GRM4: variants seen among roughly 807,000 people sequenced by gnomAD.
GRM4 encodes glutamate metabotropic receptor 4.
GRM4 carries 28 observed loss-of-function variants against 81.7 expected under a neutral mutation model. The ratio of observed to expected loss-of-function variants is 0.34; its 90% CI spans 0.25 to 0.47. GRM4 has a LOEUF of 0.47. GRM4 is among the 20% of genes least tolerant of loss of function. The probability of loss-of-function intolerance (pLI) is 1.00; values close to 1 mark genes in which losing one functional copy is unlikely to be tolerated. For missense variants in GRM4, 948 were observed against 1,290.0 expected, an observed-to-expected ratio of 0.73 and a Z score of 4.06; for synonymous variants, 488 against 528.8, an observed-to-expected ratio of 0.92 and a Z score of 1.06.
Position 34,114,291 on chromosome 6 carries a change from C to G in GRM4, c.519+18687G>C, listed in dbSNP as rs542916337. 2.0e-5 allele frequency among the ~76,000 whole-genome samples: 3 copies of G among 152,284 alleles called. No homozygotes were observed. The East Asian group carries it at 5.8e-4, about 29-fold the overall frequency. Reference sequence around the variant, plus strand: ...GGCTCACTCTGCTGCATTCTCAGCCCAACCCAACATCTGCTACTAAAAGAT... The same window carrying G: ...GGCTCACTCTGCTGCATTCTCAGCCGAACCCAACATCTGCTACTAAAAGAT... On this transcript the variant is annotated intron_variant, in intron 2 of 10. Coordinates refer to ENST00000538487, the MANE Select transcript of GRM4 (RefSeq NM_000841.4). The surrounding 1 kb of genome is among the most constrained non-coding windows in gnomAD (Gnocchi z 4.3).
At chr6:34,084,942 A>G (rs1767808637) in intron 3 of GRM4, among the ~76,000 whole-genome samples, 1 of 151,572 alleles carries the variant, frequency 6.6e-6, no homozygotes, top group South Asian at 2.1e-4. Context: ...CCCTTTTTTT[A>G]CTTATTCAGG....
chr6:34,020,309 T>C lies in GRM4; in HGVS notation c.*2512A>G, dbSNP rs1763824584. 1 of 152,028 alleles carries C rather than the reference T, an allele frequency of 6.6e-6. No individual in the cohort carries two copies. The highest frequency in any genetic ancestry group is 1.5e-5 in the Non-Finnish European group (1 of 68,098). 9.4% of individuals were successfully genotyped at this position (152,028 alleles called of 1,614,324 possible). ...GGTGATTCTCCTGTTAGAACCTAGA[T>C]GGGGGCCCCACAGATGTAGGGGGAC... On this transcript the variant is annotated 3_prime_UTR_variant, in exon 11 of 11. Coordinates refer to ENST00000538487, the MANE Select transcript of GRM4 (RefSeq NM_000841.4).
At position 34,137,712 on chromosome 6, in the gene GRM4, C is replaced by A. The variant is rs1770516368; in HGVS notation, c.-363-3853G>T. 2.0e-5 allele frequency among the ~76,000 whole-genome samples: 3 copies of A among 151,210 alleles called. No homozygotes were observed. In the South Asian group the frequency reaches 6.3e-4, roughly 32 times the overall value. On this transcript the variant is annotated intron_variant, in intron 1 of 10. Transcript: ENST00000538487. ...GATCCTCCTACCTCAGCCTCCTGAA[C>A]AGCTGGGACTACAGGAATGCGCCAT...
At chr6:34,155,023 G>T in intron 1 of GRM4, 1 of 1,368,920 alleles carries the variant, frequency 7.3e-7, no homozygotes, top group Non-Finnish European at 9.8e-7. Context: ...ACAGTGCTGG[G>T]CACCTCCCCG....
At position 34,036,532 on chromosome 6, in the gene GRM4, C is replaced by T. The variant is rs145463048; in HGVS notation, c.1578G>A (p.Pro526=). ...CCTTCACTGTCTTCTTCCGCTCACC[C>T]GGTTGGCAGGGCAGGCTGCAGATGG... ...PRSICSLPCQ[P]GERKKTVKGM... is the part of the protein sequence containing the mutation. Residue 526 remains proline (P), a synonymous_variant, in exon 9 of 11, where the codon CCG becomes CCA. Coordinates refer to ENST00000538487, the MANE Select transcript of GRM4 (RefSeq NM_000841.4). This position sits in a 1 kb window ranked among gnomAD's most constrained non-coding sequence, Gnocchi z 9.0. 186 of 1,607,338 alleles carry T rather than the reference C, an allele frequency of 1.2e-4. No individual in the cohort carries two copies. Among genetic ancestry groups the T allele is most frequent in the Non-Finnish European group, 1.4e-4 (170 of 1,176,962 alleles).
chr6:34,051,034 G>A (rs1215815666), intron 6 of GRM4, among the ~76,000 whole-genome samples: 1 of 152,218 alleles, frequency 6.6e-6, no homozygotes, highest in African/African-American at 2.4e-5. Context: ...GCACATAAAG[G>A]GTGCTTCCAA....
intron 6 of GRM4, among the ~76,000 whole-genome samples, chr6:34,044,505 TACAC>T (rs145283448): frequency 0.015 from 1,546 of 101,264 alleles, 29 homozygotes; most frequent in Non-Finnish European, 0.023. Flanking sequence ...CATACACACA[TACAC>T]ACACAGACAT....
Position 34,133,438 on chromosome 6 carries a change from A to G in GRM4, c.59T>C (p.Leu20Pro). 1 of 1,609,544 alleles carries G rather than the reference A, an allele frequency of 6.2e-7. No homozygotes were observed. The highest frequency in any genetic ancestry group is 8.5e-7 in the Non-Finnish European group (1 of 1,178,130). The change falls in exon 2 of 11, where the codon CTC becomes CCC. Residue 20 changes from leucine to proline, a missense_variant. Transcript: ENST00000538487. The surrounding 1 kb of genome is among the most constrained non-coding windows in gnomAD (Gnocchi z 6.5). ...WWARLPLCLL[L>P]SLYGPWMPSS... ...AGGCATCCAGGGGCCGTAAAGGCTGAGGAGCAGGCAAAGGGGCAGCCGGGC... is the reference window on the plus strand; with the variant it reads ...AGGCATCCAGGGGCCGTAAAGGCTGGGGAGCAGGCAAAGGGGCAGCCGGGC...
At chr6:34,044,279 C>T (rs1260113638) in intron 6 of GRM4, among the ~76,000 whole-genome samples, 1 of 150,538 alleles carries the variant, frequency 6.6e-6, no homozygotes, top group Non-Finnish European at 1.5e-5. Flanking sequence ...TATACACATA[C>T]ACACACACAT....
At chr6:34,071,885 GCACA>G (rs1479903885) in intron 3 of GRM4, among the ~76,000 whole-genome samples, 1 of 1,484 alleles carries the variant, frequency 6.7e-4, no homozygotes, top group Admixed American at 7.2e-3. Flanking sequence ...CAGCTACACA[GCACA>G]CACAGACACA....
At chr6:34,103,220 G>A (rs561139523) in intron 2 of GRM4, among the ~76,000 whole-genome samples, 20 of 152,354 alleles carry the variant, frequency 1.3e-4, no homozygotes, top group Non-Finnish European at 2.9e-4. Flanking sequence ...TCTGAATTAC[G>A]TTTTCCAGGA....
chr6:34,104,738 C>A (rs1769033333), intron 2 of GRM4, among the ~76,000 whole-genome samples: 1 of 152,148 alleles, frequency 6.6e-6, no homozygotes, highest in African/African-American at 2.4e-5. Flanking sequence ...CCCACCACAT[C>A]CCTTGGGTGC....
Position 34,089,803 on chromosome 6 carries a change from C to A in GRM4, c.736+2080G>T, listed in dbSNP as rs567526293. ...CTTCAGCCAAAACACAATGCCCAGA[C>A]CCCACCCCCATCCCATGCCTCTCCT... On this transcript the variant is annotated intron_variant, in intron 3 of 10. Transcript: ENST00000538487. This position sits in a 1 kb window ranked among gnomAD's most constrained non-coding sequence, Gnocchi z 4.3. 6.6e-6 allele frequency among the ~76,000 whole-genome samples: 1 copy of A among 152,240 alleles called. No homozygotes were observed. Among genetic ancestry groups the A allele is most frequent in the East Asian group, 1.9e-4 (1 of 5,190 alleles).
rs1479284087 is a variant in GRM4, at chr6:34,048,228, C to T, written c.1169-7480G>A. On this transcript the variant is annotated intron_variant, in intron 6 of 10. Coordinates refer to ENST00000538487, the MANE Select transcript of GRM4 (RefSeq NM_000841.4). The surrounding 1 kb of genome is among the most constrained non-coding windows in gnomAD (Gnocchi z 4.0). ...GGGTCTGGTGGGGCCAGCTGGAAAC[C>T]CCCACTCAGCCCCTTGCTGGGCCTG... Among the ~76,000 whole-genome samples, 1 of 152,170 alleles carries T rather than the reference C, an allele frequency of 6.6e-6. No individual in the cohort carries two copies. Among genetic ancestry groups the T allele is most frequent in the Non-Finnish European group, 1.5e-5 (1 of 68,042 alleles).
intron 3 of GRM4, among the ~76,000 whole-genome samples, chr6:34,067,062 C>T (rs1171592887): frequency 2.0e-5 from 3 of 152,148 alleles, no homozygotes; most frequent in Non-Finnish European, 2.9e-5. Flanking sequence ...CCCATCGTCC[C>T]GTGAGAGCAG....
At chr6:34,075,506 C>T (rs559740341) in intron 3 of GRM4, among the ~76,000 whole-genome samples, 28 of 152,338 alleles carry the variant, frequency 1.8e-4, no homozygotes, top group Admixed American at 5.9e-4. Context: ...ATATCCCAGC[C>T]CTTTCCTGCA....
intron 10 of GRM4, among the ~76,000 whole-genome samples, chr6:34,025,144 G>A (rs562607429): frequency 2.4e-4 from 36 of 152,302 alleles, no homozygotes; most frequent in Middle Eastern, 6.8e-3. Context: ...TTCCCTGCTT[G>A]TAACTTGAGC....
At chr6:34,116,498 A>G (rs1466752435) in intron 2 of GRM4, among the ~76,000 whole-genome samples, 1 of 152,212 alleles carries the variant, frequency 6.6e-6, no homozygotes, top group Non-Finnish European at 1.5e-5. Flanking sequence ...TATTCTCTTC[A>G]GGACAGCAGA....
chr6:34,051,788 G>T (rs1188211081), intron 6 of GRM4, among the ~76,000 whole-genome samples: 4 of 152,080 alleles, frequency 2.6e-5, no homozygotes, highest in African/African-American at 9.7e-5. Context: ...TCACTTCCTT[G>T]GAAGCCATGA....
Sources: gnomAD v4.1 joint callset for allele counts (sites outside exome capture counted in the v4.1 genomes callset) on GRCh38, gnomAD v4.1.1 for gene constraint, Gnocchi (gnomAD v3.1) non-coding constraint, MANE v1.5 for transcripts, NCBI Gene and HGNC (gene_info 2026-07-23, HGNC 2026-07-21) for gene names.